GALNT17: variants seen among roughly 807,000 people sequenced by gnomAD.
GALNT17 encodes the protein UDP-GalNAc:polypeptide N-acetylgalactosaminyltransferase-like 3.
A neutral mutation model predicts 63.7 loss-of-function variants in GALNT17; 29 were observed. The ratio of observed to expected loss-of-function variants is 0.46; its 90% CI spans 0.34 to 0.62. The LOEUF is 0.62. Ranked by LOEUF, GALNT17 falls within the 20% of genes least tolerant of loss-of-function variation. The pLI is 0.01. For missense variants in GALNT17, 603 were observed against 799.6 expected (o/e 0.75, Z 2.97); for synonymous variants, 305 against 318.3 (o/e 0.96, Z 0.45).
chr7:71,340,047 A>G (rs1488721845), intron 2 of GALNT17, among the ~76,000 whole-genome samples: 1 of 151,962 alleles, frequency 6.6e-6, no homozygotes, highest in Admixed American at 6.6e-5. Context: ...CTGAGACCCA[A>G]CCTCCCACAT....
At chr7:71,367,051 C>T (rs192695773) in intron 2 of GALNT17, among the ~76,000 whole-genome samples, 9 of 152,186 alleles carry the variant, frequency 5.9e-5, no homozygotes, top group African/African-American at 2.2e-4. Flanking sequence ...TTTGTTCTAC[C>T]TATTGGTGAA....
intron 4 of GALNT17, among the ~76,000 whole-genome samples, chr7:71,419,010 G>A (rs1242282705): frequency 6.6e-6 from 1 of 152,210 alleles, no homozygotes; most frequent in African/African-American, 2.4e-5. Flanking sequence ...GAACCTGGGA[G>A]GCGGAAGTTG....
At chr7:71,133,687 A>C (rs1787730341) in intron 1 of GALNT17, among the ~76,000 whole-genome samples, 1 of 152,076 alleles carries the variant, frequency 6.6e-6, no homozygotes, top group South Asian at 2.1e-4. Flanking sequence ...GCACAGAGAG[A>C]TGTGGCATCC....
At chr7:71,542,687 C>T (rs1788912968) in intron 5 of GALNT17, among the ~76,000 whole-genome samples, 2 of 108,476 alleles carry the variant, frequency 1.8e-5, no homozygotes, top group Non-Finnish European at 3.9e-5. Flanking sequence ...CAGAGTGAGA[C>T]TCCCTGTCAA....
At chr7:71,480,369 C>A (rs1787797547) in intron 5 of GALNT17, among the ~76,000 whole-genome samples, 1 of 151,786 alleles carries the variant, frequency 6.6e-6, no homozygotes, top group East Asian at 1.9e-4. Context: ...CTGGCCATGC[C>A]TCTCCTGGGC....
At chr7:71,688,817 TGTA>T (rs1266876858) in intron 9 of GALNT17, among the ~76,000 whole-genome samples, 34 of 152,140 alleles carry the variant, frequency 2.2e-4, no homozygotes, top group Non-Finnish European at 1.6e-4. Flanking sequence ...TAAAGACACA[TGTA>T]CAGGCATACC....
At chr7:71,473,312 A>G (rs1306379454) in intron 5 of GALNT17, among the ~76,000 whole-genome samples, 2 of 152,218 alleles carry the variant, frequency 1.3e-5, no homozygotes, top group Non-Finnish European at 2.9e-5. Context: ...ATTTAGTGTC[A>G]GACTCTTAGC....
At chr7:71,500,981 T>G (rs1209787326) in intron 5 of GALNT17, among the ~76,000 whole-genome samples, 2 of 152,182 alleles carry the variant, frequency 1.3e-5, no homozygotes, top group Non-Finnish European at 2.9e-5. Flanking sequence ...TATTTATTTA[T>G]TTTTTTGAGA....
chr7:71,441,118 G>A (rs1166352434), intron 5 of GALNT17, among the ~76,000 whole-genome samples: 2 of 151,924 alleles, frequency 1.3e-5, no homozygotes, highest in South Asian at 2.1e-4. Context: ...CGCCTCCTGG[G>A]TTCAAGTTGT....
At chr7:71,442,257 C>T (rs536552827) in intron 5 of GALNT17, among the ~76,000 whole-genome samples, 227 of 152,182 alleles carry the variant, frequency 1.5e-3, no homozygotes, top group Non-Finnish European at 2.7e-3. Context: ...AGTGCAATGG[C>T]CCGATCTCAG....
chr7:71,466,392 A>G lies in GALNT17; in HGVS notation c.962+45287A>G, dbSNP rs200995815. On this transcript the variant is annotated intron_variant, in intron 5 of 10. Coordinates refer to ENST00000333538, the MANE Select transcript of GALNT17 (RefSeq NM_022479.3). Reference sequence around the variant, plus strand: ...ACTGACAAAACAGACTCTTTGTAGCAATAAGGTACCAACTTCCAACTTCAC... The same window carrying G: ...ACTGACAAAACAGACTCTTTGTAGCGATAAGGTACCAACTTCCAACTTCAC... Among the ~76,000 whole-genome samples the G allele has an allele frequency of 1.1e-4, 16 of 152,330 alleles. No individual in the cohort carries two copies. The East Asian group carries it at 2.9e-3, about 28-fold the overall frequency.
At chr7:71,616,438 ATTT>A (rs1267114413) in intron 6 of GALNT17, among the ~76,000 whole-genome samples, 2 of 147,808 alleles carry the variant, frequency 1.4e-5, no homozygotes, top group Non-Finnish European at 3.0e-5. Context: ...TTTTATTATT[ATTT>A]TTATTATTTA....
At chr7:71,195,505 C>T (rs1789031274) in intron 1 of GALNT17, among the ~76,000 whole-genome samples, 1 of 152,060 alleles carries the variant, frequency 6.6e-6, no homozygotes, top group Admixed American at 6.6e-5. Context: ...CCTGAGTCTC[C>T]TATAGCTGGG....
chr7:71,298,711 G>GTGT, intron 1 of GALNT17, among the ~76,000 whole-genome samples: 1 of 141,592 alleles, frequency 7.1e-6, no homozygotes, highest in African/African-American at 2.6e-5. Flanking sequence ...ATTCCAGTGG[G>GTGT]GTGTGTGTGT....
At chr7:71,267,383 T>TC (rs1491506739) in intron 1 of GALNT17, among the ~76,000 whole-genome samples, 3 of 140,560 alleles carry the variant, frequency 2.1e-5, no homozygotes, top group South Asian at 2.2e-4. Flanking sequence ...TTTTTTTTTT[T>TC]CTTCTAGGAG....
At chr7:71,214,579 CTTT>C (rs11442081) in intron 1 of GALNT17, among the ~76,000 whole-genome samples, 1 of 138,064 alleles carries the variant, frequency 7.2e-6, no homozygotes, top group Non-Finnish European at 1.5e-5. Context: ...CTTGATTTGG[CTTT>C]TTTTTTTTTT....
At chr7:71,294,148 C>T (rs986780749) in intron 1 of GALNT17, among the ~76,000 whole-genome samples, 19 of 129,314 alleles carry the variant, frequency 1.5e-4, no homozygotes, top group Admixed American at 4.2e-4. Flanking sequence ...GGCAACAGAG[C>T]GAGACTCCGT....
chr7:71,506,895 C>G (rs557472196), intron 5 of GALNT17, among the ~76,000 whole-genome samples: 1 of 152,366 alleles, frequency 6.6e-6, no homozygotes, highest in East Asian at 1.9e-4. Context: ...ACCGCAGTTA[C>G]TTTTGCAGCA....
chr7:71,255,622 A>G lies in GALNT17; in HGVS notation c.239-79928A>G, dbSNP rs547425302. Among the ~76,000 whole-genome samples, 291 of 152,288 alleles carry G rather than the reference A, an allele frequency of 1.9e-3. 1 individual carries two copies. The South Asian group carries it at 0.026, about 13-fold the overall frequency. ...ATAAGATTCATTTGTAACCTGGAAAATGCTTGTGAGTTCAGGGGAGAAGGT... is the reference window on the plus strand; with the variant it reads ...ATAAGATTCATTTGTAACCTGGAAAGTGCTTGTGAGTTCAGGGGAGAAGGT... On this transcript the variant is annotated intron_variant, in intron 1 of 10. Transcript: ENST00000333538.
Sources: gnomAD v4.1 joint callset for allele counts (sites outside exome capture counted in the v4.1 genomes callset) on GRCh38, gnomAD v4.1.1 for gene constraint, MANE v1.5 for transcripts, NCBI Gene and HGNC (gene_info 2026-07-23, HGNC 2026-07-21) for gene names.